SPG11: variants seen among roughly 807,000 people sequenced by gnomAD.
SPG11 encodes spatacsin.
In SPG11, 222 loss-of-function variants were observed where a neutral mutation model predicts 274.0. That is an observed-to-expected ratio of 0.81 (90% confidence interval 0.73 to 0.91). SPG11 has a LOEUF of 0.91. Ranked by LOEUF, SPG11 falls within the 40% of genes least tolerant of loss-of-function variation. The probability of loss-of-function intolerance (pLI) is 0.00; values close to 1 mark genes in which losing one functional copy is unlikely to be tolerated. For missense variants in SPG11, 3,114 were observed against 2,872.7 expected, an observed-to-expected ratio of 1.08 and a Z score of -1.92; for synonymous variants, 1,144 against 1,039.7, an observed-to-expected ratio of 1.10 and a Z score of -1.93.
intron 7 of SPG11, among the ~76,000 whole-genome samples, chr15:44,646,608 AT>A (rs2084618130): frequency 6.6e-6 from 1 of 152,190 alleles, no homozygotes; most frequent in Non-Finnish European, 1.5e-5. Context: ...TGGATAAAGA[AT>A]TTGTGATTCA....
chr15:44,574,673 T>C (rs535701849), intron 31 of SPG11, among the ~76,000 whole-genome samples: 3 of 152,310 alleles, frequency 2.0e-5, no homozygotes, highest in East Asian at 3.9e-4. Context: ...AGCCCTAGCT[T>C]TCTGGTTTGC....
chr15:44,598,962 A>T, intron 21 of SPG11, 126 bp from the exon 22 acceptor site: 1 of 963,200 alleles, frequency 1.0e-6, no homozygotes, highest in Admixed American at 2.0e-5. Flanking sequence ...CCTCTCCCTT[A>T]CCTTTTGCCC....
intron 29 of SPG11, 34 bp downstream of exon 29, chr15:44,585,602 T>TTAAA: frequency 3.3e-6 from 4 of 1,194,682 alleles, no homozygotes; most frequent in African/African-American, 2.2e-5. Context: ...ACCCCGTATC[T>TTAAA]AAAAAAAAAA....
chr15:44,564,720 G>A (rs943692665), intron 38 of SPG11, 22 bp from the exon 39 acceptor site: 2 of 1,613,990 alleles, frequency 1.2e-6, no homozygotes, highest in African/African-American at 1.3e-5. Flanking sequence ...AGGTGAAGAA[G>A]GACACCATCA....
chr15:44,649,993 GT>G (rs1219121755), intron 6 of SPG11, among the ~76,000 whole-genome samples: 1 of 151,792 alleles, frequency 6.6e-6, no homozygotes, highest in Non-Finnish European at 1.5e-5. Context: ...CAGATTTCTG[GT>G]TTACTATTAT....
In SPG11 at chr15:44,564,674, C is replaced by G. The variant is rs529842519; in HGVS notation, c.7024G>C (p.Asp2342His). ...YQASIVAEAYDFVPDWAEILY... is the reference protein window; with the variant it reads ...YQASIVAEAYHFVPDWAEILY... Reference sequence around the variant, plus strand: ...ATTTCAGCCCAATCTGGAACAAAATCGTAGGCCTCAGCCACAATAGAAGCC... The same window carrying G: ...ATTTCAGCCCAATCTGGAACAAAATGGTAGGCCTCAGCCACAATAGAAGCC... Residue 2342 changes from aspartate (D) to histidine (H), a missense_variant, in exon 39 of 40, where the codon GAT becomes CAT. Transcript: ENST00000261866. 1.2e-6 allele frequency: 2 copies of G among 1,614,006 alleles called. No individual in the cohort carries two copies. Among genetic ancestry groups the G allele is most frequent in the Non-Finnish European group, 1.7e-6 (2 of 1,180,034 alleles).
intron 29 of SPG11, 144 bp from the exon 30 acceptor site, chr15:44,584,702 A>T: frequency 1.0e-6 from 1 of 983,328 alleles, no homozygotes; most frequent in Non-Finnish European, 1.5e-6. Context: ...CGATCACAGC[A>T]CACTGCAGCC....
intron 11 of SPG11, among the ~76,000 whole-genome samples, chr15:44,623,007 G>A (rs1308541936): frequency 6.6e-6 from 1 of 152,130 alleles, no homozygotes; most frequent in Non-Finnish European, 1.5e-5. Flanking sequence ...GGAGTACAGT[G>A]GTGTGATCAC....
In SPG11 at chr15:44,573,752, G is replaced by GGAA. The variant is rs1457098879; in HGVS notation, c.6007-10_6007-8dup. 6.2e-7 allele frequency: 1 copy of GGAA among 1,614,154 alleles called. No individual in the cohort carries two copies. The highest frequency in any genetic ancestry group is 1.1e-5 in the South Asian group (1 of 91,080). ...TGTAGGAACAGCCCAACTCCTGAGA[G>GGAA]GAAGACAAAGCCAGTCAAGGCCACT... On this transcript the variant is annotated splice_polypyrimidine_tract_variant and splice_region_variant and intron_variant, in intron 31 of 39. Transcript: ENST00000261866.
intron 23 of SPG11, among the ~76,000 whole-genome samples, chr15:44,597,704 G>A (rs551216549): frequency 6.4e-4 from 98 of 152,324 alleles, no homozygotes; most frequent in African/African-American, 2.3e-3. Flanking sequence ...GTGATAGGAT[G>A]TACAGAAAAA....
Position 44,564,765 on chromosome 15 carries a change from T to TG in SPG11, c.7000-68dup. On this transcript the variant is annotated intron_variant, in intron 38 of 39. Transcript: ENST00000261866. ...TGATGTAAAATCAAAAACAAACTGTTGTAGAAAACAATACTGTATACTCAC... is the reference window on the plus strand; with the variant it reads ...TGATGTAAAATCAAAAACAAACTGTTGGTAGAAAACAATACTGTATACTCAC... The TG allele has an allele frequency of 1.9e-6, 3 of 1,548,732 alleles. No individual in the cohort carries two copies. The South Asian group carries it at 3.4e-5, about 17-fold the overall frequency.
At position 44,573,551 on chromosome 15, in the gene SPG11, T is replaced by TCCCTGTGATGAA; in HGVS notation, c.6189_6200dup (p.Ser2064_Gly2067dup). ...AATCCCCGGGGGGTAGGGCACCTGT[T>TCCCTGTGATGAA]CCCTGTGATGAAGTAAGCAGCTCCC... On this transcript the variant is annotated inframe_insertion, in exon 32 of 40. Transcript: ENST00000261866. The TCCCTGTGATGAA allele has an allele frequency of 1.2e-6, 2 of 1,614,150 alleles. No homozygotes were observed. The highest frequency in any genetic ancestry group is 2.2e-5 in the South Asian group (2 of 91,082).
chr15:44,614,240 T>C (rs1337233077), intron 16 of SPG11, among the ~76,000 whole-genome samples: 3 of 152,164 alleles, frequency 2.0e-5, no homozygotes, highest in African/African-American at 7.2e-5. Context: ...AGTCTGTTTT[T>C]TTTGAGACCG....
chr15:44,570,650 GCT>G lies in SPG11; in HGVS notation c.6350_6351del (p.Glu2117AlafsTer31). The stretch of plus-strand genomic sequence containing the variant: ...AAGCAATGATGGGCCAGGATCAGGA[GCT>G]CTGTGGCTGGGAGGGTGGGCACTGG... ...VPHGELSCTT[E>X]LLILAHHCFT... On this transcript the variant is annotated frameshift_variant, in exon 34 of 40. Coordinates refer to ENST00000261866, the MANE Select transcript of SPG11 (RefSeq NM_025137.4). LOFTEE classifies it high-confidence loss of function. 1 of 1,614,032 alleles carries G rather than the reference GCT, an allele frequency of 6.2e-7. No individual in the cohort carries two copies. Among genetic ancestry groups the G allele is most frequent in the South Asian group, 1.1e-5 (1 of 91,040 alleles).
chr15:44,601,677 C>T (rs1389568221), intron 20 of SPG11, among the ~76,000 whole-genome samples: 3 of 151,754 alleles, frequency 2.0e-5, no homozygotes, highest in Non-Finnish European at 4.4e-5. Context: ...CCTGCCTTAG[C>T]CTCCTAAGTA....
At chr15:44,620,455 T>A (rs2083712311) in intron 14 of SPG11, 52 bp from the exon 15 acceptor site, 1 of 1,276,312 alleles carries the variant, frequency 7.8e-7, no homozygotes, top group Non-Finnish European at 1.1e-6. Context: ...TCTATTGACA[T>A]GTAACTCAAC....
At position 44,563,217 on chromosome 15, in the gene SPG11, G is replaced by A; in HGVS notation, c.7236C>T (p.Tyr2412=). The change falls in exon 40 of 40, where the codon TAC becomes TAT. Residue 2412 remains tyrosine, a synonymous_variant. Coordinates refer to ENST00000261866, the MANE Select transcript of SPG11 (RefSeq NM_025137.4). The part of the protein sequence containing the change: ...LTYCEDVYLY[Y]KLAYEHKFYE... ...AAAACTTGTGTTCGTATGCCAACTT[G>A]TAATACAGGTAAACATCTTCACAAT... 6.2e-7 allele frequency: 1 copy of A among 1,614,066 alleles called. No individual in the cohort carries two copies.
At chr15:44,598,423 C>T in intron 22 of SPG11, 50 bp from the exon 23 acceptor site, 1 of 1,536,484 alleles carries the variant, frequency 6.5e-7, no homozygotes, top group Non-Finnish European at 9.0e-7. Flanking sequence ...AAGTCAAAAC[C>T]TGAGCATTTC....
intron 30 of SPG11, among the ~76,000 whole-genome samples, chr15:44,577,510 A>C (rs969323125): frequency 8.6e-5 from 13 of 151,596 alleles, no homozygotes; most frequent in African/African-American, 3.1e-4. Context: ...CTCAAAAAAA[A>C]AAAAAAAAAC....
Sources: gnomAD v4.1 joint callset for allele counts (sites outside exome capture counted in the v4.1 genomes callset) on GRCh38, gnomAD v4.1.1 for gene constraint, MANE v1.5 for transcripts, NCBI Gene and HGNC (gene_info 2026-07-23, HGNC 2026-07-21) for gene names.